Variants in CLVS1 observed in about 807,000 individuals in gnomAD.
CLVS1 encodes clavesin 1.
Under a neutral mutation model 33.1 loss-of-function variants are expected in CLVS1, and 10 were observed. That is an observed-to-expected ratio of 0.30 (90% CI 0.19 to 0.51). The LOEUF is 0.51. Among genes scored for constraint, CLVS1 ranks in the 20% least tolerant of loss-of-function variants. The pLI is 0.97. For missense variants in CLVS1, 343 were observed against 433.4 expected (o/e 0.79, Z 1.85); for synonymous variants, 163 against 166.1 (o/e 0.98, Z 0.14).
intron 2 of CLVS1, among the ~76,000 whole-genome samples, chr8:61,329,961 C>T (rs1049939979): frequency 2.6e-5 from 4 of 152,062 alleles, no homozygotes; most frequent in African/African-American, 4.8e-5. Context: ...TAGAGGATTC[C>T]CTTTAGCTTT....
chr8:61,190,663 T>C (rs1343518302), intron 2 of CLVS1, among the ~76,000 whole-genome samples: 1 of 152,006 alleles, frequency 6.6e-6, no homozygotes, highest in East Asian at 1.9e-4. Context: ...AAGAATCAAA[T>C]ACACACAATA....
the CLVS1 span, among the ~76,000 whole-genome samples, chr8:61,033,122 G>GGAAGGAAAA: frequency 4.7e-5 from 1 of 21,164 alleles, no homozygotes; most frequent in Non-Finnish European, 1.1e-4. Flanking sequence ...AAGGAAGGAA[G>GGAAGGAAAA]AAAGGAAAGA....
chr8:61,462,419 C>G (rs1345125564), intron 5 of CLVS1, among the ~76,000 whole-genome samples: 1 of 152,164 alleles, frequency 6.6e-6, no homozygotes, highest in Non-Finnish European at 1.5e-5. Flanking sequence ...GAGTCTTGCT[C>G]TGTCACACAG....
At chr8:61,383,697 C>G (rs2129602049) in intron 3 of CLVS1, among the ~76,000 whole-genome samples, 1 of 152,316 alleles carries the variant, frequency 6.6e-6, no homozygotes, top group African/African-American at 2.4e-5. Context: ...GCTAATGACA[C>G]TCTGGTGATT....
chr8:61,488,936 A>G (rs1411396768), intron 5 of CLVS1, among the ~76,000 whole-genome samples: 2 of 152,234 alleles, frequency 1.3e-5, no homozygotes, highest in East Asian at 1.9e-4. Flanking sequence ...GTTAAGTCTA[A>G]TCCACTCCCT....
At chr8:61,086,192 A>C (rs1000388869) in intron 1 of CLVS1, among the ~76,000 whole-genome samples, 1 of 151,136 alleles carries the variant, frequency 6.6e-6, no homozygotes, top group East Asian at 1.9e-4. Flanking sequence ...TCGCTATTGC[A>C]CTCCAGCCTG....
At chr8:61,028,395 A>C in the CLVS1 span, among the ~76,000 whole-genome samples, 4 of 152,254 alleles carry the variant, frequency 2.6e-5, no homozygotes, top group East Asian at 7.7e-4. Flanking sequence ...AGTACTGTAC[A>C]TGTGACATCG....
intron 2 of CLVS1, among the ~76,000 whole-genome samples, chr8:61,317,456 C>T (rs78985574): frequency 1.3e-5 from 2 of 152,158 alleles, no homozygotes; most frequent in East Asian, 3.9e-4. Context: ...TATTCTCCCA[C>T]ATCTTCAATT....
intron 2 of CLVS1, among the ~76,000 whole-genome samples, chr8:61,233,232 T>G (rs1163392150): frequency 6.6e-6 from 1 of 152,096 alleles, no homozygotes; most frequent in African/African-American, 2.4e-5. Context: ...AGCAAGAGTG[T>G]GTAATTTTGT....
chr8:61,064,983 A>C (rs904246547), intron 1 of CLVS1, among the ~76,000 whole-genome samples: 7 of 152,248 alleles, frequency 4.6e-5, no homozygotes, highest in Non-Finnish European at 7.3e-5. Flanking sequence ...GATTACAGGC[A>C]TGAGCCACTG....
At chr8:61,034,074 G>A in the CLVS1 span, among the ~76,000 whole-genome samples, 2 of 152,204 alleles carry the variant, frequency 1.3e-5, no homozygotes, top group South Asian at 4.2e-4. Flanking sequence ...AGAGGCTAGG[G>A]GCCAGGGTCA....
At chr8:61,080,596 C>T (rs6984974) in intron 1 of CLVS1, among the ~76,000 whole-genome samples, 72,096 of 152,066 alleles carry the variant, frequency 0.47, 19,159 homozygotes, top group African/African-American at 0.71. Context: ...CTAAAACCCA[C>T]GGATTGCCTT....
chr8:61,137,780 C>T (rs1205812050), intron 2 of CLVS1, among the ~76,000 whole-genome samples: 2 of 152,174 alleles, frequency 1.3e-5, no homozygotes, highest in Admixed American at 6.5e-5. Flanking sequence ...CTTGACAGGG[C>T]AAGGCCTCCC....
chr8:61,015,302 A>T, the CLVS1 span, among the ~76,000 whole-genome samples: 1 of 152,248 alleles, frequency 6.6e-6, no homozygotes, highest in Non-Finnish European at 1.5e-5. Flanking sequence ...CAGAGAGGCT[A>T]AGTAACTTGT....
chr8:61,033,699 G>C, the CLVS1 span, among the ~76,000 whole-genome samples: 1 of 152,182 alleles, frequency 6.6e-6, no homozygotes, highest in Non-Finnish European at 1.5e-5. Context: ...TGGCTGGGGG[G>C]GCACTTCTGC....
At chr8:61,100,230 C>A (rs1037331711) in intron 1 of CLVS1, among the ~76,000 whole-genome samples, 1 of 152,254 alleles carries the variant, frequency 6.6e-6, no homozygotes, top group African/African-American at 2.4e-5. Context: ...ACAATGGGTA[C>A]CAATGACAAT....
chr8:61,211,695 A>G (rs1311862873), intron 2 of CLVS1, among the ~76,000 whole-genome samples: 1 of 152,242 alleles, frequency 6.6e-6, no homozygotes, highest in Non-Finnish European at 1.5e-5. Flanking sequence ...AGACATCTGC[A>G]TCTTAAGCCG....
chr8:61,202,942 C>T (rs377715202), intron 2 of CLVS1: 8 of 1,429,364 alleles, frequency 5.6e-6, no homozygotes, highest in African/African-American at 5.6e-5. Flanking sequence ...ACAAGATACT[C>T]CAGCCAAAAA....
chr8:61,292,116 AG>A (rs1810014477), intron 1 of CLVS1: 1 of 232,826 alleles, frequency 4.3e-6, no homozygotes, highest in African/African-American at 6.7e-5. Context: ...GGCAAAGAAA[AG>A]TTTTTTTTTT....
Sources: gnomAD v4.1 joint callset for allele counts (sites outside exome capture counted in the v4.1 genomes callset) on GRCh38, gnomAD v4.1.1 for gene constraint, MANE v1.5 for transcripts, NCBI Gene and HGNC (gene_info 2026-07-23, HGNC 2026-07-21) for gene names.